ZNF532: variants seen among roughly 807,000 people sequenced by gnomAD.
The protein encoded by ZNF532 is zinc finger protein 532.
Under a neutral mutation model 89.3 loss-of-function variants are expected in ZNF532, and 22 were observed. The observed-to-expected ratio is 0.25, with a 90% CI of 0.18 to 0.35. The LOEUF (loss-of-function observed/expected upper bound fraction) is 0.35. ZNF532 is among the 10% of genes least tolerant of loss of function. The pLI is 1.00. For synonymous variants in ZNF532, 606 were observed against 649.6 expected (o/e 0.93, Z 1.02); for missense variants, 1,132 against 1,643.4 (o/e 0.69, Z 5.38).
chr18:58,905,931 G>A (rs2059907711), intron 2 of ZNF532, among the ~76,000 whole-genome samples: 1 of 152,150 alleles, frequency 6.6e-6, no homozygotes, highest in Non-Finnish European at 1.5e-5. Context: ...GATGTTGTAG[G>A]AGGTCCCACC....
chr18:58,943,583 C>G (rs1318000584), intron 5 of ZNF532, among the ~76,000 whole-genome samples: 1 of 152,114 alleles, frequency 6.6e-6, no homozygotes, highest in Non-Finnish European at 1.5e-5. Context: ...CTGCCTCAGC[C>G]TCCTGAGTAG....
chr18:58,930,022 T>C (rs2061818069), intron 3 of ZNF532, among the ~76,000 whole-genome samples: 2 of 152,204 alleles, frequency 1.3e-5, no homozygotes, highest in Admixed American at 1.3e-4. Context: ...TGCCTTTAGC[T>C]CCAATGTTTC....
In ZNF532 at chr18:58,984,030, G is replaced by A. The variant is rs1352729528; in HGVS notation, c.3470G>A (p.Gly1157Glu). The change falls in exon 10 of 10, where the codon GGA (glycine) becomes GAA (glutamate). Residue 1157 changes from glycine (G) to glutamate (E), a missense_variant. Gly to Glu is a moderately conservative substitution (Grantham distance 98, BLOSUM62 -2). Around this residue, in one of 9 missense-constraint regions of ZNF532, gnomAD observed 415 missense variants for 604.8 expected, o/e 0.69. Coordinates refer to ENST00000591808, the MANE Select transcript of ZNF532 (RefSeq NM_001375912.1). The stretch of plus-strand genomic sequence containing the variant: ...GTTCTGGAGTTCAGGCCTCCCCGAG[G>A]AGCAATCACTCAACCACTGAAAAAG... ...EPVLEFRPPRGAITQPLKKLK... is the reference protein window; with the variant it reads ...EPVLEFRPPREAITQPLKKLK... 3.1e-6 allele frequency: 5 copies of A among 1,611,834 alleles called. No homozygotes were observed. Among genetic ancestry groups the A allele is most frequent in the Admixed American group, 1.7e-5 (1 of 60,004 alleles).
At chr18:58,924,385 A>G (rs1182238667) in intron 3 of ZNF532, among the ~76,000 whole-genome samples, 1 of 152,220 alleles carries the variant, frequency 6.6e-6, no homozygotes. Flanking sequence ...TAGTTAGTCT[A>G]GTCTCATCAC....
At position 58,948,668 on chromosome 18, in the gene ZNF532, A is replaced by G. The variant is rs569792043; in HGVS notation, c.2868+439A>G. Reference sequence around the variant, plus strand: ...CTGCAACCTCCGCCTCCCAGGTTCAAGTGATTCTCCTGCCTCAGCCTCCCG... The same window carrying G: ...CTGCAACCTCCGCCTCCCAGGTTCAGGTGATTCTCCTGCCTCAGCCTCCCG... On this transcript the variant is annotated intron_variant, in intron 6 of 9. Transcript: ENST00000591808. 6.6e-5 allele frequency among the ~76,000 whole-genome samples: 10 copies of G among 151,312 alleles called. No homozygotes were observed. In the South Asian group the frequency reaches 2.1e-3, roughly 32 times the overall value.
intron 2 of ZNF532, among the ~76,000 whole-genome samples, chr18:58,866,420 C>T (rs1026025934): frequency 6.6e-6 from 1 of 152,150 alleles, no homozygotes; most frequent in Non-Finnish European, 1.5e-5. Flanking sequence ...CAACATTTTG[C>T]CTTGGGTTCC....
At chr18:58,981,322 CT>C in intron 8 of ZNF532, 147 bp from the exon 9 acceptor site, 1 of 989,398 alleles carries the variant, frequency 1.0e-6, no homozygotes, top group Non-Finnish European at 1.5e-6. Flanking sequence ...AGCAAAATTG[CT>C]GATTGCGTGT....
intron 7 of ZNF532, among the ~76,000 whole-genome samples, chr18:58,957,194 C>G (rs184268855): frequency 1.3e-5 from 2 of 151,946 alleles, no homozygotes; most frequent in Non-Finnish European, 2.9e-5. Context: ...ATATGAAATA[C>G]GCTATACACA....
intron 7 of ZNF532, chr18:58,954,252 C>T (rs944242983): frequency 1.0e-6 from 1 of 987,708 alleles, no homozygotes; most frequent in Non-Finnish European, 1.2e-6. Flanking sequence ...GGAACCACAT[C>T]CTTTAACTTC....
At chr18:58,939,795 TC>T in intron 5 of ZNF532, 174 bp downstream of exon 5, 1 of 520,048 alleles carries the variant, frequency 1.9e-6, no homozygotes, top group Non-Finnish European at 3.2e-6. Context: ...TTCTGTTCTT[TC>T]CAGGTAAAGA....
At chr18:58,869,453 A>G (rs1015769106) in intron 2 of ZNF532, among the ~76,000 whole-genome samples, 4 of 152,216 alleles carry the variant, frequency 2.6e-5, no homozygotes, top group Non-Finnish European at 5.9e-5. Flanking sequence ...ATTATTTTTA[A>G]TCTCTTCGGA....
At chr18:58,905,353 G>A (rs1013180053) in intron 2 of ZNF532, among the ~76,000 whole-genome samples, 2 of 151,414 alleles carry the variant, frequency 1.3e-5, no homozygotes, top group African/African-American at 2.4e-5. Context: ...GTCTCATCCC[G>A]GCTCTCCCCT....
At chr18:58,890,833 C>G (rs1276352393) in intron 2 of ZNF532, among the ~76,000 whole-genome samples, 1 of 151,608 alleles carries the variant, frequency 6.6e-6, no homozygotes, top group Admixed American at 6.6e-5. Context: ...TCCTCTCCTT[C>G]CTTTTTTTTT....
At chr18:58,883,618 G>A (rs534830316) in intron 2 of ZNF532, among the ~76,000 whole-genome samples, 2 of 152,250 alleles carry the variant, frequency 1.3e-5, no homozygotes, top group East Asian at 3.9e-4. Flanking sequence ...GGGTGATATA[G>A]GGAAGGCATC....
chr18:58,887,061 G>T (rs1461319643), intron 2 of ZNF532, among the ~76,000 whole-genome samples: 1 of 152,164 alleles, frequency 6.6e-6, no homozygotes, highest in African/African-American at 2.4e-5. Flanking sequence ...TAAATTACCT[G>T]GTTCCTAAGG....
intron 3 of ZNF532, among the ~76,000 whole-genome samples, chr18:58,925,698 T>C (rs746884729): frequency 6.6e-6 from 1 of 152,210 alleles, no homozygotes; most frequent in African/African-American, 2.4e-5. Flanking sequence ...ATCCTAAACA[T>C]TTTCTTCTGT....
At chr18:58,901,260 C>CA (rs2059584251) in intron 2 of ZNF532, among the ~76,000 whole-genome samples, 1 of 152,150 alleles carries the variant, frequency 6.6e-6, no homozygotes. Context: ...TAGCACTTTT[C>CA]TTTTTTTCTT....
intron 2 of ZNF532, among the ~76,000 whole-genome samples, chr18:58,869,028 G>GTAC (rs2056739551): frequency 4.6e-5 from 7 of 152,100 alleles, no homozygotes; most frequent in African/African-American, 1.7e-4. Context: ...GTAACTATTT[G>GTAC]TGTTTCTGAC....
intron 4 of ZNF532, among the ~76,000 whole-genome samples, chr18:58,937,902 A>G (rs1223665721): frequency 6.6e-6 from 1 of 152,226 alleles, no homozygotes; most frequent in Non-Finnish European, 1.5e-5. Context: ...CAGTTCAAGT[A>G]GATAGGCTAG....
Sources: gnomAD v4.1 joint callset for allele counts (sites outside exome capture counted in the v4.1 genomes callset) on GRCh38, gnomAD v4.1.1 for gene constraint, gnomAD v4.1.1 regional missense constraint, MANE v1.5 for transcripts, NCBI Gene and HGNC (gene_info 2026-07-23, HGNC 2026-07-21) for gene names.